The following RAD51B variants were observed in gnomAD, a reference collection of about 807,000 sequenced individuals.
The protein encoded by RAD51B is DNA repair protein RAD51 homolog 2.
A neutral mutation model predicts 42.2 loss-of-function variants in RAD51B; 38 were observed. The ratio of observed to expected loss-of-function variants is 0.90; its 90% CI spans 0.70 to 1.18. The LOEUF is 1.18. RAD51B is among the 50% of genes most tolerant of loss of function. The pLI is 0.00. For missense variants in RAD51B, 373 were observed against 400.7 expected (o/e 0.93, Z 0.59); for synonymous variants, 154 against 145.2 (o/e 1.06, Z -0.43).
chr14:67,973,494 A>G (rs17104823), intron 7 of RAD51B, among the ~76,000 whole-genome samples: 13,137 of 151,914 alleles, frequency 0.086, 1,520 homozygotes, highest in African/African-American at 0.26. Flanking sequence ...TGCATTATAT[A>G]TTCCTATTCC....
intron 9 of RAD51B, among the ~76,000 whole-genome samples, chr14:68,420,274 T>C (rs1359603516): frequency 6.6e-6 from 1 of 152,176 alleles, no homozygotes; most frequent in Admixed American, 6.5e-5. Flanking sequence ...AGAGGGTTCT[T>C]GGACCTCATG....
intron 7 of RAD51B, among the ~76,000 whole-genome samples, chr14:68,116,843 G>A (rs1939519027): frequency 6.6e-6 from 1 of 151,732 alleles, no homozygotes; most frequent in Non-Finnish European, 1.5e-5. Flanking sequence ...TTCTTCCTTG[G>A]GGAAATCTCA....
chr14:68,511,638 G>A (rs1429398382), intron 10 of RAD51B, among the ~76,000 whole-genome samples: 1 of 152,220 alleles, frequency 6.6e-6, no homozygotes, highest in Non-Finnish European at 1.5e-5. Context: ...GCTCTCAGCA[G>A]GACACATGTA....
chr14:68,415,735 T>A (rs2084540670), intron 9 of RAD51B, among the ~76,000 whole-genome samples: 2 of 152,104 alleles, frequency 1.3e-5, no homozygotes, highest in Admixed American at 6.6e-5. Context: ...AAAGCTAGAG[T>A]AAGGCTGGTT....
At chr14:67,876,018 G>T (rs1333467448) in intron 5 of RAD51B, among the ~76,000 whole-genome samples, 1 of 152,136 alleles carries the variant, frequency 6.6e-6, no homozygotes, top group African/African-American at 2.4e-5. Flanking sequence ...AGTTCCAGCT[G>T]CCTTATCATT....
intron 7 of RAD51B, among the ~76,000 whole-genome samples, chr14:68,212,157 C>T (rs1045709559): frequency 2.6e-5 from 4 of 152,220 alleles, no homozygotes; most frequent in East Asian, 1.9e-4. Context: ...AAGGCTGGGA[C>T]TGGACCCAAG....
chr14:67,862,303 G>A (rs72725119), intron 4 of RAD51B, among the ~76,000 whole-genome samples: 18,848 of 151,692 alleles, frequency 0.12, 1,582 homozygotes, highest in Middle Eastern at 0.27. Flanking sequence ...CAAAACCCAT[G>A]ATACATATCT....
At chr14:68,023,053 T>C (rs917636897) in intron 7 of RAD51B, among the ~76,000 whole-genome samples, 1 of 152,208 alleles carries the variant, frequency 6.6e-6, no homozygotes, top group East Asian at 1.9e-4. Flanking sequence ...AGTGCATTGT[T>C]GATGGGCAGC....
chr14:68,107,364 A>T (rs993250652), intron 7 of RAD51B, among the ~76,000 whole-genome samples: 1 of 151,878 alleles, frequency 6.6e-6, no homozygotes, highest in Non-Finnish European at 1.5e-5. Context: ...AAATAAATGG[A>T]AAGATGTCAT....
Position 68,426,007 on chromosome 14 carries a change from CCTTT to C in RAD51B, c.957+14499_957+14502del, listed in dbSNP as rs59829165. On this transcript the variant is annotated intron_variant, in intron 9 of 10. Transcript: ENST00000471583. ...TCCTTCCTTCCTTCCTTCCTTCCTTCCTTTCTTTCTTTCTTTCTTTCTCTCTTTC... is the reference window on the plus strand; with the variant it reads ...TCCTTCCTTCCTTCCTTCCTTCCTTCCTTTCTTTCTTTCTTTCTCTCTTTC... 2.0e-3 allele frequency among the ~76,000 whole-genome samples: 233 copies of C among 116,626 alleles called. 1 individual carries two copies. The highest frequency in any genetic ancestry group is 4.5e-3 in the African/African-American group (120 of 26,896). The allele number at this position is 116,626 out of a possible 152,430, so 76.5% of individuals were successfully genotyped here. A position where few individuals can be genotyped will look rare whatever the true frequency, so the allele number is the denominator to read the frequency against.
At chr14:68,629,103 A>G (rs1406954200) in intron 10 of RAD51B, among the ~76,000 whole-genome samples, 1 of 152,128 alleles carries the variant, frequency 6.6e-6, no homozygotes, top group Non-Finnish European at 1.5e-5. Context: ...ACGATGCCCA[A>G]CTTCATTTTA....
chr14:68,061,541 A>AT (rs1217727081), intron 7 of RAD51B, among the ~76,000 whole-genome samples: 2 of 151,894 alleles, frequency 1.3e-5, no homozygotes, highest in African/African-American at 2.4e-5. Flanking sequence ...CTGCCTTTTC[A>AT]TTTTTTTGTG....
chr14:68,632,280 C>T (rs1359928012), intron 10 of RAD51B, among the ~76,000 whole-genome samples: 2 of 152,124 alleles, frequency 1.3e-5, no homozygotes, highest in East Asian at 1.9e-4. Context: ...CTGACTTTTC[C>T]TTCAGCTGTG....
chr14:68,477,166 G>C (rs980043149), intron 10 of RAD51B, among the ~76,000 whole-genome samples: 6 of 152,194 alleles, frequency 3.9e-5, no homozygotes, highest in Non-Finnish European at 8.8e-5. Flanking sequence ...GTCCCTATGC[G>C]AGGCCAAGTC....
intron 3 of RAD51B, among the ~76,000 whole-genome samples, chr14:67,829,266 A>G (rs539069439): frequency 1.3e-5 from 2 of 150,238 alleles, no homozygotes; most frequent in African/African-American, 2.4e-5. Flanking sequence ...TTTTTGAGAC[A>G]GAGTCTTGCT....
At chr14:68,436,856 G>C (rs1176624945) in intron 9 of RAD51B, among the ~76,000 whole-genome samples, 1 of 152,096 alleles carries the variant, frequency 6.6e-6, no homozygotes, top group Non-Finnish European at 1.5e-5. Context: ...CTAATTTTCT[G>C]TACATTGATT....
intron 7 of RAD51B, among the ~76,000 whole-genome samples, chr14:67,905,413 T>C (rs944764089): frequency 2.6e-5 from 4 of 152,172 alleles, no homozygotes; most frequent in African/African-American, 7.2e-5. Context: ...TCAGGTTCTA[T>C]ATGAATTTTA....
intron 7 of RAD51B, among the ~76,000 whole-genome samples, chr14:68,109,936 G>C (rs1193962311): frequency 6.6e-6 from 1 of 151,980 alleles, no homozygotes; most frequent in Non-Finnish European, 1.5e-5. Context: ...GAGGAATATA[G>C]TGTAAACTTT....
chr14:68,053,238 A>T (rs1467621659), intron 7 of RAD51B, among the ~76,000 whole-genome samples: 1 of 152,174 alleles, frequency 6.6e-6, no homozygotes, highest in East Asian at 1.9e-4. Flanking sequence ...ATTAAAGGCT[A>T]TTTTTCCATA....
Sources: allele counts gnomAD v4.1 joint callset (sites outside exome capture counted in the v4.1 genomes callset), GRCh38; gene constraint gnomAD v4.1.1; transcripts MANE v1.5; gene names NCBI Gene and HGNC (gene_info 2026-07-23, HGNC 2026-07-21).